KLHL23: variants seen among roughly 807,000 people sequenced by gnomAD.
KLHL23 encodes kelch-like protein 23.
KLHL23 carries 33 observed loss-of-function variants against 48.9 expected under a neutral mutation model. That is an observed-to-expected ratio of 0.67 (90% CI 0.51 to 0.90). The LOEUF (loss-of-function observed/expected upper bound fraction) is 0.90. Among genes scored for constraint, KLHL23 ranks in the 40% least tolerant of loss-of-function variants. KLHL23 has a pLI of 0.00. For synonymous variants in KLHL23, 234 were observed against 231.6 expected (o/e 1.01, Z -0.09); for missense variants, 608 against 669.6 (o/e 0.91, Z 1.02).
At chr2:169,746,151 G>A (rs1217227419) in intron 3 of KLHL23, among the ~76,000 whole-genome samples, 1 of 152,244 alleles carries the variant, frequency 6.6e-6, no homozygotes, top group Non-Finnish European at 1.5e-5. Context: ...GGAGAGTTGT[G>A]TGAAGTGGGG....
chr2:169,734,934 TAGTC>T (rs1688474670), intron 1 of KLHL23, 75 bp from the exon 2 acceptor site: 2 of 1,483,330 alleles, frequency 1.3e-6, no homozygotes, highest in Middle Eastern at 2.5e-4. Flanking sequence ...TATCCGATGA[TAGTC>T]AAGTTATTTA....
intron 2 of KLHL23, among the ~76,000 whole-genome samples, chr2:169,736,529 C>T (rs1052272397): frequency 6.6e-6 from 1 of 152,172 alleles, no homozygotes; most frequent in African/African-American, 2.4e-5. Context: ...TTTTTCCTCT[C>T]AAAATACGCT....
At position 169,750,144 on chromosome 2, in the gene KLHL23, ATG is replaced by A. The variant is rs71006031; in HGVS notation, c.*416_*417del. 0.11 allele frequency: 13,074 copies of A among 123,498 alleles called. 1,202 individuals carry two copies. Among genetic ancestry groups the A allele is most frequent in the African/African-American group, 0.13 (3,772 of 29,840 alleles). The allele number at this position is 123,498 out of a possible 1,614,324, so 7.7% of individuals were successfully genotyped here. On this transcript the variant is annotated 3_prime_UTR_variant, in exon 4 of 4. Transcript: ENST00000392647. ...TATATATACACATATATACGTATAT[ATG>A]TGTATATATATACACAGTTGAATCA...
chr2:169,742,954 G>C (rs1347083132), intron 3 of KLHL23, among the ~76,000 whole-genome samples: 2 of 152,172 alleles, frequency 1.3e-5, no homozygotes, highest in Admixed American at 6.5e-5. Flanking sequence ...AATTCCATGA[G>C]CTAGGTACTG....
At chr2:169,745,174 C>T (rs1224901240) in intron 3 of KLHL23, among the ~76,000 whole-genome samples, 2 of 151,960 alleles carry the variant, frequency 1.3e-5, no homozygotes, top group African/African-American at 4.8e-5. Flanking sequence ...GCCTCAGCCT[C>T]CCAAAGCACT....
rs55849529 is a variant in KLHL23, at chr2:169,748,671, G to GAAA, written c.1367-751_1367-750insAAA. On this transcript the variant is annotated intron_variant, in intron 3 of 3. Coordinates refer to ENST00000392647, the MANE Select transcript of KLHL23 (RefSeq NM_144711.6). ...TCACAGCCCTGGGAAGAAGGGAGAA[G>GAAA]TAGAGTTGTGAGATATGCTGGTGCT... Among the ~76,000 whole-genome samples, 4 of 150,726 alleles carry GAAA rather than the reference G, an allele frequency of 2.7e-5. No homozygotes were observed. In the South Asian group the frequency reaches 8.5e-4, roughly 32 times the overall value.
At chr2:169,744,125 A>G (rs1688736868) in intron 3 of KLHL23, among the ~76,000 whole-genome samples, 1 of 152,244 alleles carries the variant, frequency 6.6e-6, no homozygotes, top group African/African-American at 2.4e-5. Context: ...TAGGATTCTG[A>G]TAATTATGTA....
In KLHL23 at chr2:169,739,153, G is replaced by A. The variant is rs564367754; in HGVS notation, c.1214-2232G>A. ...AGCTCAGGACCTCAAAATCGGTTTGGTTTGCCTCTGCGTCAGTCAGTCATC... is the reference window on the plus strand; with the variant it reads ...AGCTCAGGACCTCAAAATCGGTTTGATTTGCCTCTGCGTCAGTCAGTCATC... On this transcript the variant is annotated intron_variant, in intron 2 of 3. Coordinates refer to ENST00000392647, the MANE Select transcript of KLHL23 (RefSeq NM_144711.6). Among the ~76,000 whole-genome samples, 11 of 148,614 alleles carry A rather than the reference G, an allele frequency of 7.4e-5. No individual in the cohort carries two copies. In the South Asian group the frequency reaches 2.2e-3, roughly 30 times the overall value.
At chr2:169,744,565 T>G (rs1273185310) in intron 3 of KLHL23, among the ~76,000 whole-genome samples, 2 of 151,358 alleles carry the variant, frequency 1.3e-5, no homozygotes, top group Non-Finnish European at 2.9e-5. Flanking sequence ...CTGGGTAATT[T>G]TTTTTTTTTT....
At chr2:169,744,313 T>C (rs540978332) in intron 3 of KLHL23, among the ~76,000 whole-genome samples, 2 of 152,176 alleles carry the variant, frequency 1.3e-5, no homozygotes, top group Admixed American at 6.5e-5. Flanking sequence ...TTAGAATGCT[T>C]CCAACGGTAG....
intron 3 of KLHL23, among the ~76,000 whole-genome samples, chr2:169,742,320 A>G (rs1688694212): frequency 6.6e-6 from 1 of 152,234 alleles, no homozygotes; most frequent in Non-Finnish European, 1.5e-5. Flanking sequence ...GACTAGTAAT[A>G]CTTACCATAG....
At chr2:169,745,513 CAAAAAAAAAAAAA>C (rs1157957265) in intron 3 of KLHL23, among the ~76,000 whole-genome samples, 2 of 63,650 alleles carry the variant, frequency 3.1e-5, no homozygotes, top group East Asian at 5.8e-4. Context: ...GACTCCGTCT[CAAAAAAAAAAAAA>C]AAAAAAAAAA....
At chr2:169,743,423 A>G (rs1688721314) in intron 3 of KLHL23, among the ~76,000 whole-genome samples, 1 of 152,218 alleles carries the variant, frequency 6.6e-6, no homozygotes, top group Admixed American at 6.5e-5. Context: ...TGGTAACATA[A>G]TATGCATCCA....
rs754605240 is a variant in KLHL23, at chr2:169,736,004, G to A, written c.990G>A (p.Thr330=). 24 of 1,614,008 alleles carry A rather than the reference G, an allele frequency of 1.5e-5. No individual in the cohort carries two copies. The highest frequency in any genetic ancestry group is 1.8e-5 in the Non-Finnish European group (21 of 1,180,040). The change falls in exon 2 of 4, where the codon ACG becomes ACA. Residue 330 remains threonine, a synonymous_variant. Coordinates refer to ENST00000392647, the MANE Select transcript of KLHL23 (RefSeq NM_144711.6). ...PNIYVTGGYR[T]DNIEALDTVW... ...TTTATGTAACTGGGGGCTACAGGAC[G>A]GATAACATAGAAGCTCTTGACACAG...
rs1378739602 is a variant in KLHL23 at position 169,749,971 on chromosome 2, A to G, written c.*239A>G. On this transcript the variant is annotated 3_prime_UTR_variant, in exon 4 of 4. Coordinates refer to ENST00000392647, the MANE Select transcript of KLHL23 (RefSeq NM_144711.6). ...TGTGTTCATATATATGTATACATAT[A>G]TATGTGTATATATACGTATGTATAC... is the stretch of plus-strand genomic sequence containing the variant. 4 of 140,304 alleles carry G rather than the reference A, an allele frequency of 2.9e-5. No homozygotes were observed. Among genetic ancestry groups the G allele is most frequent in the African/African-American group, 1.5e-4 (4 of 26,078 alleles). 8.7% of individuals were successfully genotyped at this position (140,304 alleles called of 1,614,324 possible). A position where few individuals can be genotyped will look rare whatever the true frequency, so the allele number is the denominator to read the frequency against.
Position 169,748,312 on chromosome 2 carries a change from A to C in KLHL23, c.1367-1110A>C, listed in dbSNP as rs1038213908. ...GACGCAGCTGTGCAGAGACCTGGGG[A>C]GAGGAGAGACTTCAAGGCAGAAGGA... On this transcript the variant is annotated intron_variant, in intron 3 of 3. Transcript: ENST00000392647. Among the ~76,000 whole-genome samples the C allele has an allele frequency of 3.9e-5, 6 of 152,280 alleles. No homozygotes were observed. The South Asian group carries it at 1.2e-3, about 32-fold the overall frequency.
chr2:169,736,163 A>C lies in KLHL23; in HGVS notation c.1149A>C (p.Ala383=), dbSNP rs778720587. Residue 383 remains alanine, a synonymous_variant, in exon 2 of 4, where the codon GCA becomes GCC. Transcript: ENST00000392647. ...ALGGYRKGAP[A]EEAEFYDPLK... ...GTGGTTACAGAAAAGGGGCTCCAGC[A>C]GAAGAGGCTGAGTTCTATGATCCTT... 1.9e-5 allele frequency: 30 copies of C among 1,613,992 alleles called. No individual in the cohort carries two copies. The highest frequency in any genetic ancestry group is 7.6e-6 in the Non-Finnish European group (9 of 1,180,024).
At chr2:169,739,897 A>G (rs1052819767) in intron 2 of KLHL23, among the ~76,000 whole-genome samples, 2 of 152,214 alleles carry the variant, frequency 1.3e-5, no homozygotes, top group African/African-American at 2.4e-5. Flanking sequence ...ATGTTACTAT[A>G]CTGAATATTC....
chr2:169,749,508 C>G lies in KLHL23; in HGVS notation c.1453C>G (p.Gln485Glu), dbSNP rs767439082. Residue 485 changes from glutamine to glutamate, a missense_variant, in exon 4 of 4, where the codon CAA (glutamine) becomes GAA (glutamate). Transcript: ENST00000392647. ...AATCACAGAATGCTATGACCCTGAACAAAATGAATGGAGAGAGATAGCTCC... is the reference window on the plus strand; with the variant it reads ...AATCACAGAATGCTATGACCCTGAAGAAAATGAATGGAGAGAGATAGCTCC... ...TTITECYDPE[Q>E]NEWREIAPMM... is the part of the protein sequence containing the mutation. The G allele has an allele frequency of 1.2e-6, 2 of 1,613,818 alleles. No individual in the cohort carries two copies. Among genetic ancestry groups the G allele is most frequent in the African/African-American group, 2.7e-5 (2 of 74,816 alleles).
Sources: gnomAD v4.1 joint callset for allele counts (sites outside exome capture counted in the v4.1 genomes callset) on GRCh38, gnomAD v4.1.1 for gene constraint, MANE v1.5 for transcripts, NCBI Gene and HGNC (gene_info 2026-07-23, HGNC 2026-07-21) for gene names.